The following INPP4B variants were observed in gnomAD, a reference collection of about 807,000 sequenced individuals.
INPP4B encodes inositol polyphosphate 4-phosphatase type II.
INPP4B carries 55 observed loss-of-function variants against 122.5 expected under a neutral mutation model. The ratio of observed to expected loss-of-function variants is 0.45; its 90% CI spans 0.36 to 0.56. The LOEUF (loss-of-function observed/expected upper bound fraction) is 0.56, where lower values mean the gene tolerates loss of function less well. Ranked by LOEUF, INPP4B falls within the 20% of genes least tolerant of loss-of-function variation. The pLI, the probability that INPP4B is intolerant of heterozygous loss-of-function variation, is 0.00. For missense variants in INPP4B, 1,000 were observed against 1,097.7 expected, an observed-to-expected ratio of 0.91 and a Z score of 1.26; for synonymous variants, 403 against 388.7, an observed-to-expected ratio of 1.04 and a Z score of -0.43.
intron 2 of INPP4B, among the ~76,000 whole-genome samples, chr4:142,675,171 C>G (rs1433669078): frequency 6.6e-6 from 1 of 152,072 alleles, no homozygotes; most frequent in Non-Finnish European, 1.5e-5. Context: ...GGTAATATCA[C>G]CACTGATACC....
At chr4:142,806,844 AAAGAAAGG>A (rs1778921084) in intron 1 of INPP4B, among the ~76,000 whole-genome samples, 1 of 151,062 alleles carries the variant, frequency 6.6e-6, no homozygotes, top group African/African-American at 2.4e-5. Flanking sequence ...AGAAAGAAAG[AAAGAAAGG>A]AGAAGAAAAA....
chr4:142,410,827 T>C (rs936260389), intron 5 of INPP4B, among the ~76,000 whole-genome samples: 1 of 152,232 alleles, frequency 6.6e-6, no homozygotes, highest in Non-Finnish European at 1.5e-5. Context: ...TATATAGTTA[T>C]ACTGTGCATT....
At chr4:142,313,503 T>A (rs975119395) in intron 8 of INPP4B, among the ~76,000 whole-genome samples, 14 of 152,164 alleles carry the variant, frequency 9.2e-5, no homozygotes, top group African/African-American at 3.4e-4. Flanking sequence ...TGGAAACATG[T>A]GAGCTGAGCC....
At chr4:142,842,140 A>G (rs958667309) in intron 1 of INPP4B, among the ~76,000 whole-genome samples, 1 of 151,822 alleles carries the variant, frequency 6.6e-6, no homozygotes. Flanking sequence ...AATTTCCTTT[A>G]ATCAGTTTAA....
chr4:142,462,148 GT>G (rs1412577286), intron 3 of INPP4B, among the ~76,000 whole-genome samples: 1 of 151,822 alleles, frequency 6.6e-6, no homozygotes, highest in Non-Finnish European at 1.5e-5. Context: ...TAGGTCTTAG[GT>G]TAAATGTCAT....
At chr4:142,226,946 G>A (rs10018382) in intron 12 of INPP4B, among the ~76,000 whole-genome samples, 1,906 of 152,230 alleles carry the variant, frequency 0.013, 43 homozygotes, top group African/African-American at 0.043. Flanking sequence ...GAATTTGAAA[G>A]GAAAGAGATA....
At chr4:142,201,697 G>T (rs138874907) in intron 14 of INPP4B, among the ~76,000 whole-genome samples, 10 of 151,020 alleles carry the variant, frequency 6.6e-5, no homozygotes, top group African/African-American at 2.4e-4. Flanking sequence ...AGAAAAAAAT[G>T]TACAAGAAAA....
intron 9 of INPP4B, among the ~76,000 whole-genome samples, chr4:142,285,513 T>TGAAGGGAG (rs1554026937): frequency 2.6e-5 from 4 of 151,986 alleles, no homozygotes; most frequent in Admixed American, 6.5e-5. Flanking sequence ...AGGTATACCA[T>TGAAGGGAG]GTCTGAGGCC....
intron 7 of INPP4B, among the ~76,000 whole-genome samples, chr4:142,383,637 C>T (rs1794964703): frequency 6.6e-6 from 1 of 151,964 alleles, no homozygotes; most frequent in African/African-American, 2.4e-5. Flanking sequence ...AATGAAACTG[C>T]TCACTATTCA....
At chr4:142,237,205 C>A (rs1047089963) in intron 12 of INPP4B, among the ~76,000 whole-genome samples, 1 of 152,082 alleles carries the variant, frequency 6.6e-6, no homozygotes, top group Non-Finnish European at 1.5e-5. Context: ...AGTCTCGCTA[C>A]AAATGAGAAG....
chr4:142,471,256 T>A (rs1818771426), intron 2 of INPP4B, among the ~76,000 whole-genome samples: 1 of 152,212 alleles, frequency 6.6e-6, no homozygotes, highest in African/African-American at 2.4e-5. Flanking sequence ...GCTATACCTA[T>A]CTCACAGTAA....
intron 5 of INPP4B, among the ~76,000 whole-genome samples, chr4:142,417,873 T>G (rs886179803): frequency 6.6e-6 from 1 of 152,160 alleles, no homozygotes; most frequent in African/African-American, 2.4e-5. Flanking sequence ...AAATTTAAGC[T>G]CAAATCTCCT....
At chr4:142,074,941 T>C (rs1769741636) in intron 25 of INPP4B, among the ~76,000 whole-genome samples, 1 of 152,056 alleles carries the variant, frequency 6.6e-6, no homozygotes, top group Admixed American at 6.6e-5. Flanking sequence ...GTTCAGATTC[T>C]ACCTCCTCCA....
intron 3 of INPP4B, among the ~76,000 whole-genome samples, chr4:142,451,300 T>C (rs1455922188): frequency 3.4e-5 from 5 of 145,418 alleles, no homozygotes; most frequent in Admixed American, 2.1e-4. Context: ...TCCCAGGCTG[T>C]AGTGCAGTGG....
intron 2 of INPP4B, among the ~76,000 whole-genome samples, chr4:142,578,654 T>G (rs183775779): frequency 1.8e-4 from 28 of 152,094 alleles, no homozygotes; most frequent in Admixed American, 1.5e-3. Flanking sequence ...ATGGCTTCAT[T>G]TTAACTTAAT....
chr4:142,446,134 G>A (rs1812864280), intron 3 of INPP4B, among the ~76,000 whole-genome samples: 1 of 150,308 alleles, frequency 6.7e-6, no homozygotes, highest in African/African-American at 2.5e-5. Context: ...AAACAAGCAG[G>A]ATAAAAAAAA....
chr4:142,806,012 A>G (rs1303523236), intron 1 of INPP4B, among the ~76,000 whole-genome samples: 2 of 152,158 alleles, frequency 1.3e-5, no homozygotes, highest in African/African-American at 2.4e-5. Flanking sequence ...CGGGTGCAGT[A>G]GCTCACGCCT....
Position 142,173,683 on chromosome 4 carries a change from G to C in INPP4B, c.1308C>G (p.Ser436Arg). 6.2e-7 allele frequency: 1 copy of C among 1,613,176 alleles called. No individual in the cohort carries two copies. The highest frequency in any genetic ancestry group is 8.5e-7 in the Non-Finnish European group (1 of 1,179,394). ...TCTTCAAGCTGTCTGGAGAATGCTGGCTTGCAGAATTAAGCAGTAGGTCTG... is the reference window on the plus strand; with the variant it reads ...TCTTCAAGCTGTCTGGAGAATGCTGCCTTGCAGAATTAAGCAGTAGGTCTG... ...THADLLLNSASQHSPDSLKNS... is the reference protein window; with the variant it reads ...THADLLLNSARQHSPDSLKNS... The change falls in exon 16 of 26, where the codon AGC becomes AGG. Residue 436 changes from serine to arginine, a missense_variant. Physicochemically the swap from Ser to Arg is moderately radical, Grantham distance 110 (BLOSUM62 -1). Transcript: ENST00000262992.
At chr4:142,373,880 A>T (rs932672158) in intron 7 of INPP4B, among the ~76,000 whole-genome samples, 18 of 151,948 alleles carry the variant, frequency 1.2e-4, no homozygotes, top group Non-Finnish European at 2.4e-4. Flanking sequence ...TAATTATAGT[A>T]CTGGAATATA....
Sources: allele counts gnomAD v4.1 joint callset (sites outside exome capture counted in the v4.1 genomes callset), GRCh38; gene constraint gnomAD v4.1.1; transcripts MANE v1.5; gene names NCBI Gene and HGNC (gene_info 2026-07-23, HGNC 2026-07-21).